Variants in SLC30A7 observed in about 807,000 individuals in gnomAD.
The protein encoded by SLC30A7 is zinc transporter 7.
A neutral mutation model predicts 46.0 loss-of-function variants in SLC30A7; 35 were observed. That is an observed-to-expected ratio of 0.76 (90% CI 0.58 to 1.01). The LOEUF is 1.01. Among genes scored for constraint, SLC30A7 ranks in the 50% least tolerant of loss-of-function variants. The pLI, the probability that SLC30A7 is intolerant of heterozygous loss-of-function variation, is 0.00. For missense variants in SLC30A7, 464 were observed against 451.1 expected, an observed-to-expected ratio of 1.03 and a Z score of -0.26; for synonymous variants, 147 against 157.8, an observed-to-expected ratio of 0.93 and a Z score of 0.51.
At position 100,903,422 on chromosome 1, in the gene SLC30A7, GTGTAATTTTCGGTAA is replaced by G. The variant is rs1375350321; in HGVS notation, c.183-3428_183-3414del. On this transcript the variant is annotated intron_variant, in intron 2 of 10. Coordinates refer to ENST00000357650, the MANE Select transcript of SLC30A7 (RefSeq NM_133496.5). ...GTTACATAGATGTTATGGTTCAAGT[GTGTAATTTTCGGTAA>G]TCTAACTATACAAGGACAAATCTTA... Among the ~76,000 whole-genome samples the G allele has an allele frequency of 2.0e-5, 3 of 152,174 alleles. No homozygotes were observed. In the East Asian group the frequency reaches 5.8e-4, roughly 29 times the overall value.
the SLC30A7 span, among the ~76,000 whole-genome samples, chr1:100,994,514 G>T: frequency 6.6e-6 from 1 of 151,530 alleles, no homozygotes; most frequent in Non-Finnish European, 1.5e-5. Context: ...CTCAACTAGA[G>T]GCAGACTCAG....
intron 8 of SLC30A7, among the ~76,000 whole-genome samples, chr1:100,927,481 A>G (rs72734259): frequency 0.018 from 2,670 of 152,242 alleles, 31 homozygotes; most frequent in South Asian, 0.034. Context: ...AGAGAATGGG[A>G]GGGGAGGAAA....
At chr1:100,957,091 A>G (rs1279468613) in intron 8 of SLC30A7, among the ~76,000 whole-genome samples, 1 of 152,186 alleles carries the variant, frequency 6.6e-6, no homozygotes, top group Non-Finnish European at 1.5e-5. Context: ...GTTGACTTGA[A>G]CTTTTCAAAA....
In SLC30A7 at chr1:100,966,605, A is replaced by AT. The variant is rs530977071; in HGVS notation, c.1083+698dup. Among the ~76,000 whole-genome samples the AT allele has an allele frequency of 7.9e-3, 1,166 of 146,976 alleles. 21 individuals are homozygous for AT. The highest frequency in any genetic ancestry group is 0.025 in the African/African-American group (994 of 40,238). The stretch of plus-strand genomic sequence containing the variant: ...GGTCTCAAAGAAAAAAGAAAACCAC[A>AT]TTTTTTTTTTTCCGAACACAGACAG... On this transcript the variant is annotated intron_variant, in intron 10 of 10. Transcript: ENST00000357650.
chr1:100,910,888 G>C (rs183705329), intron 3 of SLC30A7, among the ~76,000 whole-genome samples, 175 bp from the exon 4 acceptor site: 1 of 152,020 alleles, frequency 6.6e-6, no homozygotes, highest in East Asian at 1.9e-4. Flanking sequence ...GTACTAATTC[G>C]TTTCCTCATT....
intron 7 of SLC30A7, 63 bp from the exon 8 acceptor site, chr1:100,921,643 G>T (rs1652938409): frequency 2.2e-6 from 3 of 1,343,778 alleles, no homozygotes; most frequent in Non-Finnish European, 2.1e-6. Context: ...ATAGCTCTAG[G>T]ATATATTCGT....
the SLC30A7 span, among the ~76,000 whole-genome samples, chr1:100,988,206 AG>A: frequency 6.6e-6 from 1 of 152,156 alleles, no homozygotes; most frequent in South Asian, 2.1e-4. Context: ...CAGTTCTTCT[AG>A]CGGCCTTTAA....
intron 6 of SLC30A7, among the ~76,000 whole-genome samples, chr1:100,915,245 CTTT>C (rs1652455968): frequency 2.1e-5 from 2 of 93,122 alleles, no homozygotes; most frequent in Non-Finnish European, 4.5e-5. Flanking sequence ...TTCTTTCTTT[CTTT>C]CTTTCTTCCT....
intron 10 of SLC30A7, among the ~76,000 whole-genome samples, 189 bp from the exon 11 acceptor site, chr1:100,974,621 T>A (rs531724703): frequency 6.6e-6 from 1 of 152,106 alleles, no homozygotes; most frequent in Non-Finnish European, 1.5e-5. Flanking sequence ...CTCTTTTTTT[T>A]TTGTTTGTTT....
chr1:100,958,859 G>C (rs1260837397), intron 8 of SLC30A7, among the ~76,000 whole-genome samples: 1 of 152,136 alleles, frequency 6.6e-6, no homozygotes, highest in African/African-American at 2.4e-5. Context: ...TAATTATCAC[G>C]CAATGTAGTA....
intron 8 of SLC30A7, 44 bp downstream of exon 8, chr1:100,921,885 G>C: frequency 1.4e-6 from 2 of 1,477,420 alleles, no homozygotes; most frequent in Non-Finnish European, 9.2e-7. Context: ...GAGACTGAGA[G>C]AGAAATATGT....
the SLC30A7 span, among the ~76,000 whole-genome samples, chr1:100,988,915 T>G: frequency 2.6e-5 from 4 of 152,106 alleles, no homozygotes; most frequent in Middle Eastern, 0.014. Context: ...TATATATAAA[T>G]ATTTCTTATC....
chr1:100,932,800 G>C (rs1474531510), intron 8 of SLC30A7, among the ~76,000 whole-genome samples: 1 of 151,968 alleles, frequency 6.6e-6, no homozygotes. Flanking sequence ...AAATGAACAA[G>C]GTACAGTATA....
chr1:100,972,178 A>G, intron 10 of SLC30A7: 1 of 215,780 alleles, frequency 4.6e-6, no homozygotes, highest in Middle Eastern at 4.8e-4. Flanking sequence ...AGTGTCTGTC[A>G]TGTCTTTGTG....
intron 8 of SLC30A7, among the ~76,000 whole-genome samples, chr1:100,957,997 A>T (rs978708074): frequency 6.6e-6 from 1 of 152,168 alleles, no homozygotes; most frequent in African/African-American, 2.4e-5. Context: ...GCAACACAGT[A>T]GGTAGAAACA....
downstream of SLC30A7, among the ~76,000 whole-genome samples, chr1:100,985,428 C>T (rs1657208639): frequency 6.6e-6 from 1 of 152,056 alleles, no homozygotes; most frequent in African/African-American, 2.4e-5. Context: ...CTCATTCTAA[C>T]GTTTATATGG....
At chr1:100,926,451 A>G (rs1055681265) in intron 8 of SLC30A7, among the ~76,000 whole-genome samples, 1 of 152,026 alleles carries the variant, frequency 6.6e-6, no homozygotes, top group Non-Finnish European at 1.5e-5. Flanking sequence ...GAGAGAGAGA[A>G]AAAACAATGA....
intron 2 of SLC30A7, among the ~76,000 whole-genome samples, chr1:100,905,651 T>G (rs1182837511): frequency 6.6e-6 from 1 of 152,146 alleles, no homozygotes; most frequent in Non-Finnish European, 1.5e-5. Flanking sequence ...TCTTTTGACC[T>G]AACTGATTCT....
intron 6 of SLC30A7, among the ~76,000 whole-genome samples, chr1:100,917,487 G>C (rs1162889402): frequency 1.3e-5 from 2 of 152,046 alleles, no homozygotes; most frequent in African/African-American, 4.8e-5. Context: ...AACAAATATT[G>C]CTCATCTTTT....
Sources: gnomAD v4.1 joint callset for allele counts (sites outside exome capture counted in the v4.1 genomes callset) on GRCh38, gnomAD v4.1.1 for gene constraint, MANE v1.5 for transcripts, NCBI Gene and HGNC (gene_info 2026-07-23, HGNC 2026-07-21) for gene names.